SLC44A5: variants seen among roughly 807,000 people sequenced by gnomAD.
SLC44A5 encodes choline transporter-like protein 5.
In SLC44A5, 57 loss-of-function variants were observed where a neutral mutation model predicts 101.8. The ratio of observed to expected loss-of-function variants is 0.56; its 90% CI spans 0.45 to 0.70. SLC44A5 has a LOEUF of 0.70. Among genes scored for constraint, SLC44A5 ranks in the 30% least tolerant of loss-of-function variants. SLC44A5 has a pLI of 0.00. For synonymous variants in SLC44A5, 281 were observed against 290.9 expected, an observed-to-expected ratio of 0.97 and a Z score of 0.35; for missense variants, 737 against 853.1, an observed-to-expected ratio of 0.86 and a Z score of 1.70.
Position 75,564,720 on chromosome 1 carries a change from C to A in SLC44A5, c.-69-23204G>T, listed in dbSNP as rs141925174. ...CTGCAAGCTCAGCCTCCTGGGCTCA[C>A]GCCATTCTCCTGTCTAAGCCTCCCA... is the stretch of plus-strand genomic sequence containing the variant. On this transcript the variant is annotated intron_variant, in intron 1 of 23. Coordinates refer to ENST00000370859, the MANE Select transcript of SLC44A5 (RefSeq NM_001130058.2). Among the ~76,000 whole-genome samples the A allele has an allele frequency of 8.7e-3, 1,321 of 151,900 alleles. 20 individuals carry two copies. The highest frequency in any genetic ancestry group is 0.03 in the African/African-American group (1,254 of 41,394).
chr1:75,461,055 G>A (rs763077935), intron 2 of SLC44A5, among the ~76,000 whole-genome samples: 3 of 151,558 alleles, frequency 2.0e-5, no homozygotes, highest in Admixed American at 1.3e-4. Flanking sequence ...CCCAATGTCC[G>A]AGAAAAAGAA....
At chr1:75,276,645 A>G (rs1651945400) in intron 5 of SLC44A5, among the ~76,000 whole-genome samples, 1 of 152,188 alleles carries the variant, frequency 6.6e-6, no homozygotes, top group Admixed American at 6.6e-5. Flanking sequence ...AGTGACTAAC[A>G]TGGTGCTTGG....
At chr1:75,210,786 T>C (rs568553792) in intron 23 of SLC44A5, among the ~76,000 whole-genome samples, 2 of 152,344 alleles carry the variant, frequency 1.3e-5, no homozygotes, top group South Asian at 4.1e-4. Context: ...TTGACTCTTC[T>C]GTGCTTTGCA....
At chr1:75,237,108 A>G in intron 10 of SLC44A5, 38 bp from the exon 11 acceptor site, 1 of 1,222,124 alleles carries the variant, frequency 8.2e-7, no homozygotes, top group Admixed American at 1.7e-5. Flanking sequence ...TTATTTTTTG[A>G]TGACCACTAA....
intron 2 of SLC44A5, among the ~76,000 whole-genome samples, chr1:75,512,703 C>T (rs1011108679): frequency 1.3e-5 from 2 of 152,046 alleles, no homozygotes; most frequent in African/African-American, 4.8e-5. Context: ...AGGTAATACA[C>T]GTAGTACCCA....
chr1:75,549,625 G>T (rs1372891172), intron 1 of SLC44A5, among the ~76,000 whole-genome samples: 2 of 152,064 alleles, frequency 1.3e-5, no homozygotes, highest in African/African-American at 4.8e-5. Flanking sequence ...TGACCTTAAG[G>T]GATTTACAGT....
intron 2 of SLC44A5, among the ~76,000 whole-genome samples, chr1:75,512,762 G>C (rs184505716): frequency 6.6e-6 from 1 of 152,266 alleles, no homozygotes; most frequent in African/African-American, 2.4e-5. Flanking sequence ...AGATTCTCCT[G>C]AGGAAGGCTG....
chr1:75,681,955 A>G, the SLC44A5 span, among the ~76,000 whole-genome samples: 1 of 152,210 alleles, frequency 6.6e-6, no homozygotes, highest in Non-Finnish European at 1.5e-5. Context: ...GCATTCCTAT[A>G]CACCAACAAC....
At chr1:75,239,043 T>C (rs1648380127) in intron 9 of SLC44A5, among the ~76,000 whole-genome samples, 1 of 152,100 alleles carries the variant, frequency 6.6e-6, no homozygotes, top group Non-Finnish European at 1.5e-5. Context: ...ACTACTTGAG[T>C]AAAACTTTGA....
At chr1:75,594,331 G>T (rs1030254265) in intron 1 of SLC44A5, among the ~76,000 whole-genome samples, 2 of 151,862 alleles carry the variant, frequency 1.3e-5, no homozygotes, top group East Asian at 3.9e-4. Context: ...GGAAAAAAAA[G>T]AACATGTTTA....
chr1:75,502,645 C>A (rs900719979), intron 2 of SLC44A5, among the ~76,000 whole-genome samples: 1 of 151,868 alleles, frequency 6.6e-6, no homozygotes. Flanking sequence ...TGTTGGTGTG[C>A]TGCACCCATT....
chr1:75,321,262 T>C (rs1444083400), intron 4 of SLC44A5, among the ~76,000 whole-genome samples: 2 of 152,136 alleles, frequency 1.3e-5, no homozygotes, highest in Admixed American at 6.6e-5. Context: ...TCAGTACCAA[T>C]TTATTTCTCT....
intron 7 of SLC44A5, among the ~76,000 whole-genome samples, chr1:75,249,732 A>AAAG (rs1029864072): frequency 1.4e-4 from 21 of 152,194 alleles, no homozygotes; most frequent in African/African-American, 4.8e-4. Context: ...ACTATACATC[A>AAAG]TCTATAGATT....
chr1:75,543,365 T>C (rs1671456648), intron 1 of SLC44A5, among the ~76,000 whole-genome samples: 1 of 152,012 alleles, frequency 6.6e-6, no homozygotes, highest in South Asian at 2.1e-4. Context: ...AGTGGAAAGC[T>C]TGTGTGCCTC....
At chr1:75,509,852 T>C (rs1034564060) in intron 2 of SLC44A5, among the ~76,000 whole-genome samples, 4 of 152,174 alleles carry the variant, frequency 2.6e-5, no homozygotes, top group Admixed American at 2.0e-4. Flanking sequence ...TGGATTTCTA[T>C]GTGTAGTAGT....
intron 3 of SLC44A5, among the ~76,000 whole-genome samples, chr1:75,374,342 T>C (rs983424710): frequency 6.6e-6 from 1 of 152,160 alleles, no homozygotes; most frequent in Non-Finnish European, 1.5e-5. Context: ...CACAACCTCC[T>C]TGGACTCTGC....
At chr1:75,497,270 G>A (rs1203100154) in intron 2 of SLC44A5, among the ~76,000 whole-genome samples, 1 of 151,930 alleles carries the variant, frequency 6.6e-6, no homozygotes, top group Non-Finnish European at 1.5e-5. Flanking sequence ...AAAAAAAATT[G>A]CCGTGTGTGT....
chr1:75,710,835 TA>T, the SLC44A5 span, among the ~76,000 whole-genome samples: 1 of 152,174 alleles, frequency 6.6e-6, no homozygotes, highest in Non-Finnish European at 1.5e-5. Flanking sequence ...TAATACGGTC[TA>T]GTGACAGCTG....
At chr1:75,550,344 G>A (rs918180672) in intron 1 of SLC44A5, among the ~76,000 whole-genome samples, 2 of 152,052 alleles carry the variant, frequency 1.3e-5, no homozygotes, top group Non-Finnish European at 2.9e-5. Flanking sequence ...CAGAATAGGT[G>A]AATTCATAGA....
Sources: allele counts gnomAD v4.1 joint callset (sites outside exome capture counted in the v4.1 genomes callset), GRCh38; gene constraint gnomAD v4.1.1; transcripts MANE v1.5; gene names NCBI Gene and HGNC (gene_info 2026-07-23, HGNC 2026-07-21).